The following DAGLB variants were observed in gnomAD, a reference collection of about 807,000 sequenced individuals.
DAGLB encodes diacylglycerol lipase-beta.
A neutral mutation model predicts 72.1 loss-of-function variants in DAGLB; 66 were observed. The ratio of observed to expected loss-of-function variants is 0.92; its 90% CI spans 0.75 to 1.12. The LOEUF (loss-of-function observed/expected upper bound fraction) is 1.12. Ranked by LOEUF, DAGLB falls within the 50% of genes most tolerant of loss-of-function variation. The pLI, the probability that DAGLB is intolerant of heterozygous loss-of-function variation, is 0.00. For missense variants in DAGLB, 1,065 were observed against 884.9 expected, an observed-to-expected ratio of 1.20 and a Z score of -2.58; for synonymous variants, 414 against 359.5, an observed-to-expected ratio of 1.15 and a Z score of -1.71.
At chr7:6,413,527 G>A (rs899079123) in intron 11 of DAGLB, among the ~76,000 whole-genome samples, 1 of 152,156 alleles carries the variant, frequency 6.6e-6, no homozygotes, top group African/African-American at 2.4e-5. Flanking sequence ...CTACTCAGGA[G>A]GCTGAGGTAG....
intron 6 of DAGLB, among the ~76,000 whole-genome samples, chr7:6,429,375 G>A (rs554588256): frequency 1.3e-4 from 20 of 151,852 alleles, no homozygotes; most frequent in African/African-American, 4.3e-4. Context: ...AGGAAAGAAC[G>A]GCTGAGAAAC....
chr7:6,424,944 G>C (rs1784256227), intron 7 of DAGLB, 109 bp from the exon 8 acceptor site: 10 of 1,041,346 alleles, frequency 9.6e-6, no homozygotes, highest in Non-Finnish European at 1.3e-5. Flanking sequence ...CTGCGGCACA[G>C]AGAGGAGGGG....
At chr7:6,424,170 GAGA>G (rs1310480209) in intron 8 of DAGLB, among the ~76,000 whole-genome samples, 1 of 152,216 alleles carries the variant, frequency 6.6e-6, no homozygotes, top group Admixed American at 6.5e-5. Context: ...CCGGAATGGA[GAGA>G]AGAAAGCTTT....
intron 2 of DAGLB, among the ~76,000 whole-genome samples, chr7:6,438,780 G>A (rs1784740349): frequency 6.6e-6 from 1 of 152,198 alleles, no homozygotes; most frequent in Admixed American, 6.6e-5. Flanking sequence ...GGCCAAGGCA[G>A]GAGGATTGCT....
In DAGLB at chr7:6,437,110, C is replaced by T. The variant is rs138541376; in HGVS notation, c.248-577G>A. ...CGGAGGTTGCAGTGAGCTGAGATTG[C>T]GCCACTGCACTCTAGTCTGGGTGAC... On this transcript the variant is annotated intron_variant, in intron 2 of 14. Transcript: ENST00000297056. Among the ~76,000 whole-genome samples the T allele has an allele frequency of 6.7e-3, 1,014 of 150,742 alleles. 28 individuals are homozygous for T. The East Asian group carries it at 0.095, about 14-fold the overall frequency.
Position 6,435,165 on chromosome 7 carries a change from T to G in DAGLB, c.420-145A>C, listed in dbSNP as rs1784614381. 10 of 1,247,042 alleles carry G rather than the reference T, an allele frequency of 8.0e-6. No individual in the cohort carries two copies. The South Asian group carries it at 1.5e-4, about 19-fold the overall frequency. The allele number at this position is 1,247,042 out of a possible 1,614,324, so 77.2% of individuals were successfully genotyped here. A position where few individuals can be genotyped will look rare whatever the true frequency, so the allele number is the denominator to read the frequency against. ...AGGAAGATGCAGCTCTCCTGGAACC[T>G]GCCTGAGGCAAGCAACTTTCTTCTA... On this transcript the variant is annotated intron_variant, in intron 3 of 14. Coordinates refer to ENST00000297056, the MANE Select transcript of DAGLB (RefSeq NM_139179.4).
Position 6,416,903 on chromosome 7 carries a change from T to C in DAGLB, c.1237A>G (p.Arg413Gly). Residue 413 changes from arginine (R) to glycine (G), a missense_variant, in exon 10 of 15, where the codon AGA becomes GGA. Transcript: ENST00000297056. ...TTGATGAGTCGTTGGTAAACGTATC[T>C]GGCAGCTTGAGAAATACCCTAAAAA... ...LAHKGISQAA[R>G]YVYQRLINDG... 6.2e-7 allele frequency: 1 copy of C among 1,614,202 alleles called. No homozygotes were observed. Among genetic ancestry groups the C allele is most frequent in the Non-Finnish European group, 8.5e-7 (1 of 1,180,034 alleles).
At chr7:6,440,333 G>A (rs909273545) in intron 2 of DAGLB, among the ~76,000 whole-genome samples, 1 of 151,014 alleles carries the variant, frequency 6.6e-6, no homozygotes, top group South Asian at 2.1e-4. Flanking sequence ...GCGGTGAGCC[G>A]AGATCATGCC....
intron 11 of DAGLB, among the ~76,000 whole-genome samples, chr7:6,414,607 T>TAAAC (rs1783841449): frequency 1.3e-5 from 2 of 152,122 alleles, no homozygotes; most frequent in African/African-American, 2.4e-5. Context: ...AGCCTCCTGA[T>TAAAC]GTTTAAGTAT....
intron 11 of DAGLB, among the ~76,000 whole-genome samples, chr7:6,413,936 A>T (rs1783818408): frequency 6.6e-6 from 1 of 152,224 alleles, no homozygotes; most frequent in African/African-American, 2.4e-5. Context: ...AGGAACACAG[A>T]CACGCTTCCT....
In DAGLB at chr7:6,430,506, C is replaced by T. The variant is rs200025236; in HGVS notation, c.903G>A (p.Thr301=). The T allele has an allele frequency of 7.5e-6, 12 of 1,597,880 alleles. No homozygotes were observed. Among genetic ancestry groups the T allele is most frequent in the East Asian group, 2.2e-5 (1 of 44,648 alleles). ...AGTCACCACCAATCCTGCACAGCCC[C>T]GTGAGGGGGTTTCTGTAGATGTAGA... ...WPLYIYRNPL[T]GLCRIGGDCC... Residue 301 remains threonine, a synonymous_variant, in exon 6 of 15, where the codon ACG becomes ACA. Transcript: ENST00000297056.
At position 6,436,449 on chromosome 7, in the gene DAGLB, C is replaced by G; in HGVS notation, c.332G>C (p.Trp111Ser). 1 of 1,614,134 alleles carries G rather than the reference C, an allele frequency of 6.2e-7. No homozygotes were observed. The highest frequency in any genetic ancestry group is 8.5e-7 in the Non-Finnish European group (1 of 1,180,026). Residue 111 changes from tryptophan (W) to serine (S), a missense_variant, in exon 3 of 15, where the codon TGG (tryptophan) becomes TCG (serine). Trp to Ser is a radical substitution (Grantham distance 177). Transcript: ENST00000297056. ...RLALFFPEMV[W>S]ASLGAAWVAD... ...CACCCAGGCAGCCCCCAGAGAGGCC[C>G]AGACCATCTCTGGAAAAAACAGCGC...
intron 3 of DAGLB, 140 bp downstream of exon 3, chr7:6,436,222 A>G (rs1485935878): frequency 1.9e-6 from 2 of 1,063,698 alleles, no homozygotes; most frequent in African/African-American, 1.6e-5. Flanking sequence ...CTAAATTTTC[A>G]TGAGTTACGC....
chr7:6,413,769 A>G (rs1254128430), intron 11 of DAGLB, among the ~76,000 whole-genome samples: 2 of 152,200 alleles, frequency 1.3e-5, no homozygotes, highest in African/African-American at 4.8e-5. Context: ...AGCTCCCAAC[A>G]ACGAGTCACA....
intron 6 of DAGLB, among the ~76,000 whole-genome samples, chr7:6,426,868 G>A (rs1784327274): frequency 6.6e-6 from 1 of 152,236 alleles, no homozygotes; most frequent in African/African-American, 2.4e-5. Context: ...GGCACTCTGG[G>A]AGATCGAGGC....
intron 9 of DAGLB, among the ~76,000 whole-genome samples, chr7:6,419,759 T>TG (rs1385865936): frequency 1.3e-5 from 2 of 152,224 alleles, no homozygotes; most frequent in Admixed American, 1.3e-4. Flanking sequence ...GACGGGTTTC[T>TG]GGGGCATCTC....
chr7:6,415,413 G>A lies in DAGLB; in HGVS notation c.1427+1214C>T, dbSNP rs185547176. On this transcript the variant is annotated intron_variant, in intron 11 of 14. Coordinates refer to ENST00000297056, the MANE Select transcript of DAGLB (RefSeq NM_139179.4). ...TACTTTTTAATCATCCCAAAGGGCC[G>A]GGATTACAGGCATGAGCCACCACGC... Among the ~76,000 whole-genome samples, 1,291 of 151,796 alleles carry A rather than the reference G, an allele frequency of 8.5e-3. 14 individuals carry two copies. The highest frequency in any genetic ancestry group is 0.014 in the Non-Finnish European group (932 of 67,924).
chr7:6,437,160 AT>A lies in DAGLB; in HGVS notation c.248-628del, dbSNP rs201130099. ...CAGAGCAAGACTCCGTCTCAAAATA[AT>A]AATAATAATAATAATAATAATAATA... is the stretch of plus-strand genomic sequence containing the variant. On this transcript the variant is annotated intron_variant, in intron 2 of 14. Transcript: ENST00000297056. 0.042 allele frequency among the ~76,000 whole-genome samples: 5,589 copies of A among 132,674 alleles called. 572 individuals carry two copies. In the East Asian group the frequency reaches 0.44, roughly 11 times the overall value. The allele number at this position is 132,674 out of a possible 152,430, so 87.0% of individuals were successfully genotyped here.
intron 2 of DAGLB, among the ~76,000 whole-genome samples, chr7:6,444,799 G>A (rs780403275): frequency 3.3e-5 from 5 of 152,102 alleles, no homozygotes; most frequent in Non-Finnish European, 5.9e-5. Flanking sequence ...CCAGCTATTC[G>A]GGAGGCTGAG....
Sources: allele counts gnomAD v4.1 joint callset (sites outside exome capture counted in the v4.1 genomes callset), GRCh38; gene constraint gnomAD v4.1.1; transcripts MANE v1.5; gene names NCBI Gene and HGNC (gene_info 2026-07-23, HGNC 2026-07-21).